DUOX1: variants seen among roughly 807,000 people sequenced by gnomAD.
DUOX1 encodes dual oxidase 1.
DUOX1 carries 134 observed loss-of-function variants against 181.8 expected under a neutral mutation model. The observed-to-expected ratio is 0.74, with a 90% CI of 0.64 to 0.85. The LOEUF (loss-of-function observed/expected upper bound fraction) is 0.85. Among genes scored for constraint, DUOX1 ranks in the 40% least tolerant of loss-of-function variants. The probability of loss-of-function intolerance (pLI) is 0.00; values close to 1 mark genes in which losing one functional copy is unlikely to be tolerated. For synonymous variants in DUOX1, 798 were observed against 832.5 expected (o/e 0.96, Z 0.71); for missense variants, 1,814 against 2,064.4 (o/e 0.88, Z 2.35).
rs58074044 is a variant in DUOX1 at position 45,135,270 on chromosome 15, T to C, written c.474T>C (p.Ser158=). 10,522 of 1,610,480 alleles carry C rather than the reference T, an allele frequency of 6.5e-3. 350 individuals are homozygous for C. The African/African-American group carries it at 0.13, about 20-fold the overall frequency. The change falls in exon 5 of 34, where the codon AGT becomes AGC. Residue 158 remains serine, a synonymous_variant. Coordinates refer to ENST00000389037, the MANE Select transcript of DUOX1 (RefSeq NM_175940.3). ...RSRWDPETGR[S]PSNPRDPANQ... is the part of the protein sequence containing the mutation. ...GCTGGGACCCCGAGACCGGACGGAG[T>C]CCCAGCAATCCCCGGGACCCGGTGA...
rs766396537 is a variant in DUOX1 at position 45,160,819 on chromosome 15, G to A, written c.3703-18G>A. On this transcript the variant is annotated intron_variant, in intron 28 of 33. Coordinates refer to ENST00000389037, the MANE Select transcript of DUOX1 (RefSeq NM_175940.3). ...ATGGGCATCGCTAGGTCTGAGCAGA[G>A]CTCTTTCCTCCATCTAGCTCATCAT... is the stretch of plus-strand genomic sequence containing the variant. 4 of 1,590,012 alleles carry A rather than the reference G, an allele frequency of 2.5e-6. No individual in the cohort carries two copies. Among genetic ancestry groups the A allele is most frequent in the Non-Finnish European group, 3.4e-6 (4 of 1,167,210 alleles).
chr15:45,134,220 C>A lies in DUOX1; in HGVS notation c.218C>A (p.Pro73His). 1 of 1,561,470 alleles carries A rather than the reference C, an allele frequency of 6.4e-7. No individual in the cohort carries two copies. Among genetic ancestry groups the A allele is most frequent in the Non-Finnish European group, 8.6e-7 (1 of 1,158,974 alleles). The change falls in exon 4 of 34, where the codon CCC becomes CAC. Residue 73 changes from proline (P) to histidine (H), a missense_variant. By Grantham distance (77) the Pro-to-His change is moderately conservative. Coordinates refer to ENST00000389037, the MANE Select transcript of DUOX1 (RefSeq NM_175940.3). ...CAGCCCTTGGGAGAACCCCACCTGCCCAACCCCCGAGACCTTAGCAACACC... is the reference window on the plus strand; with the variant it reads ...CAGCCCTTGGGAGAACCCCACCTGCACAACCCCCGAGACCTTAGCAACACC... ...VYQPLGEPHL[P>H]NPRDLSNTIS...
intron 14 of DUOX1, among the ~76,000 whole-genome samples, chr15:45,141,751 C>CGTGTGTGTGT (rs5812287): frequency 2.0e-5 from 3 of 148,588 alleles, no homozygotes; most frequent in East Asian, 2.0e-4. Flanking sequence ...GTGAGGGAAG[C>CGTGTGTGTGT]GTGTGTGTGT....
At chr15:45,137,869 C>CT in intron 9 of DUOX1, 55 bp from the exon 10 acceptor site, 1 of 1,414,454 alleles carries the variant, frequency 7.1e-7, no homozygotes, top group Non-Finnish European at 9.7e-7. Flanking sequence ...GAACTGATGC[C>CT]TGACATTATA....
intron 27 of DUOX1, 155 bp from the exon 28 acceptor site, chr15:45,155,647 T>G: frequency 1.1e-6 from 1 of 915,842 alleles, no homozygotes; most frequent in Non-Finnish European, 1.7e-6. Flanking sequence ...AAGGTACCTG[T>G]GATCAGTGGT....
chr15:45,138,474 G>A (rs1896396477), intron 10 of DUOX1, among the ~76,000 whole-genome samples: 2 of 152,176 alleles, frequency 1.3e-5, no homozygotes, highest in African/African-American at 4.8e-5. Flanking sequence ...GGAGGAAGCA[G>A]GGGTTCCTAG....
At position 45,147,973 on chromosome 15, in the gene DUOX1, A is replaced by G; in HGVS notation, c.2618A>G (p.Lys873Arg). ...YDFDGNGLISKDEFIRMLRSF... is the reference protein window; with the variant it reads ...YDFDGNGLISRDEFIRMLRSF... ...TTTGATGGGAATGGCCTCATTTCCA[A>G]GGATGAGTTCATCAGGATGCTGAGG... The change falls in exon 20 of 34, where the codon AAG (lysine) becomes AGG (arginine). Residue 873 changes from lysine (K) to arginine (R), a missense_variant. Coordinates refer to ENST00000389037, the MANE Select transcript of DUOX1 (RefSeq NM_175940.3). The G allele has an allele frequency of 1.2e-6, 2 of 1,614,064 alleles. No individual in the cohort carries two copies. Among genetic ancestry groups the G allele is most frequent in the Non-Finnish European group, 1.7e-6 (2 of 1,179,868 alleles).
At position 45,150,681 on chromosome 15, in the gene DUOX1, C is replaced by T; in HGVS notation, c.2868C>T (p.Tyr956=). 2.5e-6 allele frequency: 4 copies of T among 1,613,816 alleles called. No homozygotes were observed. Among genetic ancestry groups the T allele is most frequent in the South Asian group, 1.1e-5 (1 of 91,026 alleles). The part of the protein sequence containing the change: ...VIKDLCRRAS[Y]ISQDMICPSP... ...AGGACCTCTGCCGGCGAGCCTCCTACATCAGCCAGGATATGATCTGGTGAG... is the reference window on the plus strand; with the variant it reads ...AGGACCTCTGCCGGCGAGCCTCCTATATCAGCCAGGATATGATCTGGTGAG... The change falls in exon 22 of 34, where the codon TAC becomes TAT. Residue 956 remains tyrosine (Y), a synonymous_variant. Coordinates refer to ENST00000389037, the MANE Select transcript of DUOX1 (RefSeq NM_175940.3).
chr15:45,138,378 C>T (rs1253709700), intron 10 of DUOX1, among the ~76,000 whole-genome samples: 3 of 152,128 alleles, frequency 2.0e-5, no homozygotes, highest in Non-Finnish European at 2.9e-5. Flanking sequence ...TTGGAGTACC[C>T]CAACTAGTCT....
Position 45,144,135 on chromosome 15 carries a change from G to T in DUOX1, c.2036G>T (p.Arg679Leu). Reference sequence around the variant, plus strand: ...GTAGATGGCAGGCTCACCGTGCTCCGCACCATCCAGCTGCAGCCTCCACAG... The same window carrying T: ...GTAGATGGCAGGCTCACCGTGCTCCTCACCATCCAGCTGCAGCCTCCACAG... ...RVVDGRLTVL[R>L]TIQLQPPQKV... Residue 679 changes from arginine to leucine, a missense_variant, in exon 17 of 34, where the codon CGC (arginine) becomes CTC (leucine). Coordinates refer to ENST00000389037, the MANE Select transcript of DUOX1 (RefSeq NM_175940.3). 1 of 1,613,972 alleles carries T rather than the reference G, an allele frequency of 6.2e-7. No homozygotes were observed. The highest frequency in any genetic ancestry group is 8.5e-7 in the Non-Finnish European group (1 of 1,180,032).
At chr15:45,131,695 G>T in intron 1 of DUOX1, 2 of 480,576 alleles carry the variant, frequency 4.2e-6, no homozygotes, top group African/African-American at 2.0e-5. Flanking sequence ...TGTTTTGTTC[G>T]TCACTTAATC....
At chr15:45,135,024 G>A in intron 4 of DUOX1, 80 bp from the exon 5 acceptor site, 1 of 1,543,516 alleles carries the variant, frequency 6.5e-7, no homozygotes, top group East Asian at 2.3e-5. Flanking sequence ...CTTCAGGGGA[G>A]GGAAGGAAAC....
intron 2 of DUOX1, 43 bp downstream of exon 2, chr15:45,132,067 AC>A: frequency 1.3e-6 from 2 of 1,528,340 alleles, no homozygotes; most frequent in Non-Finnish European, 1.8e-6. Flanking sequence ...GAGCAGAGGA[AC>A]CCAGCATCCT....
At chr15:45,162,191 TA>T in intron 30 of DUOX1, 27 bp from the exon 31 acceptor site, 1 of 1,588,024 alleles carries the variant, frequency 6.3e-7, no homozygotes, top group Non-Finnish European at 8.6e-7. Context: ...TGGCCAAGCT[TA>T]ACTGAAACCC....
intron 31 of DUOX1, 54 bp downstream of exon 31, chr15:45,162,431 G>T (rs904798716): frequency 1.2e-5 from 19 of 1,583,088 alleles, no homozygotes; most frequent in Admixed American, 1.7e-5. Context: ...CCTTGTCATG[G>T]TACCCATCTG....
rs184261104 is a variant in DUOX1, at chr15:45,150,802, C to T, written c.2888+101C>T. On this transcript the variant is annotated intron_variant, in intron 22 of 33. Transcript: ENST00000389037. ...GGGCCACCGCTAGCCCATGCAGCACCTTCAAACAAATTAGAAAAGGACACC... is the reference window on the plus strand; with the variant it reads ...GGGCCACCGCTAGCCCATGCAGCACTTTCAAACAAATTAGAAAAGGACACC... 221 of 1,151,170 alleles carry T rather than the reference C, an allele frequency of 1.9e-4. No individual in the cohort carries two copies. The African/African-American group carries it at 3.2e-3, about 16-fold the overall frequency. 71.3% of individuals were successfully genotyped at this position (1,151,170 alleles called of 1,614,324 possible).
At chr15:45,151,785 C>T in intron 23 of DUOX1, 89 bp from the exon 24 acceptor site, 1 of 1,406,976 alleles carries the variant, frequency 7.1e-7, no homozygotes, top group Non-Finnish European at 9.7e-7. Flanking sequence ...GCTTCCCTCA[C>T]TTCTGGGCGG....
intron 24 of DUOX1, 37 bp downstream of exon 24, chr15:45,152,089 G>A (rs1489609356): frequency 3.1e-6 from 5 of 1,604,866 alleles, no homozygotes; most frequent in Non-Finnish European, 4.3e-6. Flanking sequence ...CTGTCCCTAG[G>A]CTTGCAATGA....
intron 10 of DUOX1, 104 bp from the exon 11 acceptor site, chr15:45,138,962 C>G (rs1325151379): frequency 2.9e-6 from 3 of 1,040,834 alleles, no homozygotes; most frequent in Admixed American, 5.1e-5. Context: ...AACAGCAGGA[C>G]TGGGTGGGCT....
Sources: allele counts gnomAD v4.1 joint callset (sites outside exome capture counted in the v4.1 genomes callset), GRCh38; gene constraint gnomAD v4.1.1; transcripts MANE v1.5; gene names NCBI Gene and HGNC (gene_info 2026-07-23, HGNC 2026-07-21).